KCNMB2: variants seen among roughly 807,000 people sequenced by gnomAD.
KCNMB2 encodes the protein calcium-activated potassium channel subunit beta-2.
KCNMB2 carries 9 observed loss-of-function variants against 24.5 expected under a neutral mutation model. The observed-to-expected ratio is 0.37, with a 90% CI of 0.22 to 0.64. The LOEUF is 0.64. Ranked by LOEUF, KCNMB2 falls within the 30% of genes least tolerant of loss-of-function variation. The pLI is 0.63. For synonymous variants in KCNMB2, 109 were observed against 104.4 expected (o/e 1.04, Z -0.27); for missense variants, 226 against 284.3 (o/e 0.79, Z 1.47).
rs1711500550 is a variant in KCNMB2, at chr3:178,758,597, TATATATATCTCCAAGAGG to T, written c.-67-48737_-67-48720del. On this transcript the variant is annotated intron_variant, in intron 1 of 4. Coordinates refer to ENST00000452583, the MANE Select transcript of KCNMB2 (RefSeq NM_181361.3). ...ATATATATATATATCCAAGAGGAGATATATATATCTCCAAGAGGATATATATATATATATCTCTCTCTC... is the reference window on the plus strand; with the variant it reads ...ATATATATATATATCCAAGAGGAGATATATATATATATATATCTCTCTCTC... 3.6e-4 allele frequency among the ~76,000 whole-genome samples: 26 copies of T among 72,968 alleles called. 5 individuals carry two copies. The highest frequency in any genetic ancestry group is 7.3e-4 in the Non-Finnish European group (26 of 35,774). 47.9% of individuals were successfully genotyped at this position (72,968 alleles called of 152,430 possible). A position where few individuals can be genotyped will look rare whatever the true frequency, so the allele number is the denominator to read the frequency against.
intron 4 of KCNMB2, among the ~76,000 whole-genome samples, chr3:178,833,039 T>C (rs1577223270): frequency 8.7e-5 from 2 of 23,094 alleles, no homozygotes; most frequent in East Asian, 6.5e-4. Flanking sequence ...TGTTACAATG[T>C]CATCTTTTCC....
At chr3:178,702,817 C>T (rs1262479794) in intron 1 of KCNMB2, among the ~76,000 whole-genome samples, 5 of 152,186 alleles carry the variant, frequency 3.3e-5, no homozygotes, top group Non-Finnish European at 1.5e-5. Context: ...TTCTTCCTTA[C>T]TAAAAGCATC....
At chr3:178,725,471 C>A (rs747012021) in intron 1 of KCNMB2, among the ~76,000 whole-genome samples, 8 of 152,044 alleles carry the variant, frequency 5.3e-5, no homozygotes, top group Non-Finnish European at 8.8e-5. Flanking sequence ...TGCAAAAAGA[C>A]TCCTAGACTT....
intron 1 of KCNMB2, among the ~76,000 whole-genome samples, chr3:178,697,031 C>T (rs1484692965): frequency 6.6e-6 from 1 of 151,958 alleles, no homozygotes; most frequent in Admixed American, 6.6e-5. Flanking sequence ...CTGAATGTGA[C>T]CAATTTTAGA....
At chr3:178,763,058 G>A (rs370362679) in intron 1 of KCNMB2, among the ~76,000 whole-genome samples, 41 of 152,274 alleles carry the variant, frequency 2.7e-4, no homozygotes, top group African/African-American at 9.1e-4. Flanking sequence ...CATGGAACTA[G>A]ATGAGGTCAT....
intron 1 of KCNMB2, among the ~76,000 whole-genome samples, chr3:178,596,130 C>T (rs1341102150): frequency 6.6e-6 from 1 of 152,118 alleles, no homozygotes; most frequent in African/African-American, 2.4e-5. Context: ...AACACATTAA[C>T]ATTTTATCTT....
rs550311108 is a variant in KCNMB2, at chr3:178,683,319, T to C, written c.-67-124024T>C. On this transcript the variant is annotated intron_variant, in intron 1 of 4. Transcript: ENST00000452583. ...GGCAGCAATAAAGACTGGGGACTAC[T>C]AGATGGCACAGAGAGGGGAGGGAGA... 3.3e-5 allele frequency among the ~76,000 whole-genome samples: 5 copies of C among 151,652 alleles called. No individual in the cohort carries two copies. The East Asian group carries it at 7.8e-4, about 24-fold the overall frequency.
At chr3:178,824,543 AT>A (rs75113592) in intron 2 of KCNMB2, 1,037 of 151,962 alleles carry the variant, frequency 6.8e-3, no homozygotes, top group South Asian at 0.024. Flanking sequence ...AATTTTTTGT[AT>A]TTTTTTTTTT....
chr3:178,734,355 A>C (rs945869030), intron 1 of KCNMB2, among the ~76,000 whole-genome samples: 8 of 152,216 alleles, frequency 5.3e-5, no homozygotes, highest in Non-Finnish European at 1.2e-4. Flanking sequence ...TTTCAGATTA[A>C]GGATGCTCAA....
intron 1 of KCNMB2, among the ~76,000 whole-genome samples, chr3:178,758,084 A>C (rs1263449691): frequency 3.3e-5 from 3 of 91,096 alleles, no homozygotes; most frequent in Non-Finnish European, 6.5e-5. Context: ...ATATATATAC[A>C]CAAGAGGATA....
At chr3:178,741,108 ATGTT>A (rs1485716216) in intron 1 of KCNMB2, among the ~76,000 whole-genome samples, 8 of 152,194 alleles carry the variant, frequency 5.3e-5, no homozygotes, top group African/African-American at 1.9e-4. Context: ...ATAAATGAAC[ATGTT>A]TGTCCATTTG....
At chr3:178,643,309 C>T (rs1422049925) in intron 1 of KCNMB2, among the ~76,000 whole-genome samples, 1 of 152,074 alleles carries the variant, frequency 6.6e-6, no homozygotes, top group Non-Finnish European at 1.5e-5. Flanking sequence ...ATGACAGAGT[C>T]ATGTGATGAT....
At chr3:178,828,490 C>G in intron 4 of KCNMB2, 117 bp downstream of exon 4, 1 of 670,714 alleles carries the variant, frequency 1.5e-6, no homozygotes, top group Admixed American at 3.0e-5. Context: ...GAAGCAGAGC[C>G]TGCCTCTTCC....
intron 1 of KCNMB2, among the ~76,000 whole-genome samples, chr3:178,537,713 G>T (rs994862609): frequency 3.7e-4 from 57 of 152,184 alleles, no homozygotes; most frequent in Admixed American, 8.5e-4. Context: ...GCAAATTTCA[G>T]TCTTTGTCAT....
intron 1 of KCNMB2, among the ~76,000 whole-genome samples, chr3:178,538,212 G>A (rs563875943): frequency 1.3e-5 from 2 of 152,066 alleles, no homozygotes; most frequent in African/African-American, 2.4e-5. Flanking sequence ...TGAACCAGCC[G>A]AACTCTCTTG....
chr3:178,795,709 T>C (rs1713512795), intron 1 of KCNMB2, among the ~76,000 whole-genome samples: 1 of 152,186 alleles, frequency 6.6e-6, no homozygotes, highest in Non-Finnish European at 1.5e-5. Context: ...ATTTTGGACC[T>C]CTGACTTCCA....
At chr3:178,545,094 C>T (rs984305541) in intron 1 of KCNMB2, among the ~76,000 whole-genome samples, 10 of 152,096 alleles carry the variant, frequency 6.6e-5, no homozygotes, top group Admixed American at 5.2e-4. Context: ...CCTTTGCACA[C>T]CATGGTGTAG....
intron 1 of KCNMB2, among the ~76,000 whole-genome samples, chr3:178,614,297 G>GTGTATATATATATATA (rs1718620590): frequency 5.9e-4 from 32 of 54,580 alleles, no homozygotes; most frequent in African/African-American, 2.1e-3. Flanking sequence ...ATATATATAT[G>GTGTATATATATATATA]TATGTATATA....
chr3:178,781,576 A>T (rs1355188608), intron 1 of KCNMB2, among the ~76,000 whole-genome samples: 17 of 151,692 alleles, frequency 1.1e-4, no homozygotes, highest in Non-Finnish European at 1.5e-5. Context: ...TTGGAGCAAG[A>T]CTCTGTCTAA....
Sources: allele counts gnomAD v4.1 joint callset (sites outside exome capture counted in the v4.1 genomes callset), GRCh38; gene constraint gnomAD v4.1.1; transcripts MANE v1.5; gene names NCBI Gene and HGNC (gene_info 2026-07-23, HGNC 2026-07-21).